Variants in DISC1 observed in about 807,000 individuals in gnomAD.
DISC1 encodes the protein DISC1 scaffold protein, also known as disrupted in schizophrenia 1 protein.
DISC1 carries 57 observed loss-of-function variants against 84.5 expected under a neutral mutation model. That is an observed-to-expected ratio of 0.67 (90% CI 0.55 to 0.84). The LOEUF (loss-of-function observed/expected upper bound fraction) is 0.84. DISC1 is among the 40% of genes least tolerant of loss of function. The pLI is 0.00. For missense variants in DISC1, 1,000 were observed against 1,057.8 expected (o/e 0.95, Z 0.76); for synonymous variants, 411 against 415.2 (o/e 0.99, Z 0.12).
chr1:231,909,623 T>G (rs1159342431), intron 9 of DISC1, among the ~76,000 whole-genome samples: 1 of 152,236 alleles, frequency 6.6e-6, no homozygotes, highest in East Asian at 1.9e-4. Context: ...GATATTAGTC[T>G]AAAATTCTCT....
intron 9 of DISC1, among the ~76,000 whole-genome samples, chr1:231,916,482 G>A (rs568509121): frequency 2.0e-5 from 3 of 151,498 alleles, no homozygotes; most frequent in African/African-American, 7.3e-5. Context: ...GTGAAACCCC[G>A]TCTCTACTAA....
At chr1:231,972,443 G>T (rs910687369) in intron 10 of DISC1, among the ~76,000 whole-genome samples, 3 of 152,142 alleles carry the variant, frequency 2.0e-5, no homozygotes, top group East Asian at 1.9e-4. Context: ...GTATGATTTC[G>T]GAATGAATAT....
intron 1 of DISC1, among the ~76,000 whole-genome samples, chr1:231,649,948 A>G (rs2060476567): frequency 6.6e-6 from 1 of 152,052 alleles, no homozygotes; most frequent in Admixed American, 6.5e-5. Flanking sequence ...TTTTGAGCCT[A>G]TGTGTGTCTC....
At chr1:232,027,377 G>A (rs1362731389) in intron 12 of DISC1, among the ~76,000 whole-genome samples, 2 of 152,124 alleles carry the variant, frequency 1.3e-5, no homozygotes, top group Non-Finnish European at 2.9e-5. Context: ...CTGCTTCCCG[G>A]TGATAGAATT....
At chr1:231,975,643 A>G (rs74578902) in intron 10 of DISC1, among the ~76,000 whole-genome samples, 1,544 of 152,368 alleles carry the variant, frequency 0.01, 29 homozygotes, top group African/African-American at 0.035. Flanking sequence ...ATGCATAAAA[A>G]GAATGAAAGA....
At chr1:231,640,639 C>T (rs1466233356) in intron 1 of DISC1, among the ~76,000 whole-genome samples, 1 of 152,008 alleles carries the variant, frequency 6.6e-6, no homozygotes, top group Admixed American at 6.6e-5. Flanking sequence ...AATGATCCTC[C>T]CATCTCTGCT....
At chr1:231,823,271 A>G (rs964196825) in intron 9 of DISC1, among the ~76,000 whole-genome samples, 1 of 152,326 alleles carries the variant, frequency 6.6e-6, no homozygotes, top group African/African-American at 2.4e-5. Context: ...AATAAAATCT[A>G]TGGGTCTCTT....
At chr1:231,755,501 C>T (rs975118668) in intron 4 of DISC1, among the ~76,000 whole-genome samples, 1 of 152,128 alleles carries the variant, frequency 6.6e-6, no homozygotes, top group Non-Finnish European at 1.5e-5. Context: ...TGATTTATCT[C>T]CAGAATTCCA....
intron 1 of DISC1, among the ~76,000 whole-genome samples, chr1:231,686,204 TCTC>T (rs2064252687): frequency 6.6e-6 from 1 of 152,178 alleles, no homozygotes; most frequent in African/African-American, 2.4e-5. Flanking sequence ...GTGGCCCTCT[TCTC>T]ACAGCTCCAC....
intron 9 of DISC1, among the ~76,000 whole-genome samples, chr1:231,842,649 G>C (rs1170417237): frequency 6.6e-6 from 1 of 152,128 alleles, no homozygotes; most frequent in African/African-American, 2.4e-5. Context: ...TGGAGTGTGA[G>C]CTGTGTCAGA....
chr1:231,659,929 T>C (rs959270239), intron 1 of DISC1, among the ~76,000 whole-genome samples: 3 of 152,218 alleles, frequency 2.0e-5, no homozygotes, highest in African/African-American at 4.8e-5. Context: ...CATATGTCAA[T>C]GAGGAGAATG....
intron 10 of DISC1, among the ~76,000 whole-genome samples, chr1:231,984,632 C>T (rs1339332165): frequency 6.6e-6 from 1 of 152,120 alleles, no homozygotes; most frequent in Admixed American, 6.5e-5. Context: ...GGCATCTGGC[C>T]TTCCCTTAAG....
intron 9 of DISC1, among the ~76,000 whole-genome samples, chr1:231,864,675 C>A (rs1036690596): frequency 6.6e-6 from 1 of 151,940 alleles, no homozygotes; most frequent in Non-Finnish European, 1.5e-5. Flanking sequence ...CAAAATAAAA[C>A]AACAACAACA....
intron 9 of DISC1, among the ~76,000 whole-genome samples, chr1:231,895,313 T>G (rs2087597003): frequency 6.6e-6 from 1 of 151,638 alleles, no homozygotes; most frequent in East Asian, 1.9e-4. Context: ...TTTAAAATTT[T>G]TATAATATAA....
intron 9 of DISC1, among the ~76,000 whole-genome samples, chr1:231,861,040 A>T (rs1280662928): frequency 1.3e-5 from 2 of 152,096 alleles, no homozygotes; most frequent in Non-Finnish European, 2.9e-5. Context: ...TATTTCCTTT[A>T]TCTAAAGAAA....
At chr1:231,696,169 C>T (rs2065673717) in intron 2 of DISC1, among the ~76,000 whole-genome samples, 1 of 152,210 alleles carries the variant, frequency 6.6e-6, no homozygotes, top group African/African-American at 2.4e-5. Context: ...CCTCCAAGCC[C>T]TCTCAGTCCT....
chr1:232,002,674 C>A (rs1666865347), intron 10 of DISC1, among the ~76,000 whole-genome samples: 1 of 151,340 alleles, frequency 6.6e-6, no homozygotes, highest in Non-Finnish European at 1.5e-5. Flanking sequence ...CTTTATGATT[C>A]TGTTTATACA....
At chr1:231,669,288 G>A (rs2062337108) in intron 1 of DISC1, among the ~76,000 whole-genome samples, 1 of 152,156 alleles carries the variant, frequency 6.6e-6, no homozygotes, top group African/African-American at 2.4e-5. Context: ...GATAACTGAG[G>A]CAATACCATT....
chr1:231,679,091 A>G (rs1419761027), intron 1 of DISC1, among the ~76,000 whole-genome samples: 1 of 152,188 alleles, frequency 6.6e-6, no homozygotes, highest in Non-Finnish European at 1.5e-5. Context: ...AATTCTAGAG[A>G]GCCAGGCAAT....
Sources: allele counts gnomAD v4.1 joint callset (sites outside exome capture counted in the v4.1 genomes callset), GRCh38; gene constraint gnomAD v4.1.1; transcripts MANE v1.5; gene names NCBI Gene and HGNC (gene_info 2026-07-23, HGNC 2026-07-21).